Variants in GRID2 observed in about 807,000 individuals in gnomAD.
GRID2 encodes the protein glutamate ionotropic receptor delta type subunit 2.
GRID2 carries 33 observed loss-of-function variants against 114.8 expected under a neutral mutation model. The ratio of observed to expected loss-of-function variants is 0.29; its 90% CI spans 0.22 to 0.38. The LOEUF (loss-of-function observed/expected upper bound fraction) is 0.38, where lower values mean the gene tolerates loss of function less well. Among genes scored for constraint, GRID2 ranks in the 10% least tolerant of loss-of-function variants. The pLI, the probability that GRID2 is intolerant of heterozygous loss-of-function variation, is 1.00. For missense variants in GRID2, 1,184 were observed against 1,257.7 expected (o/e 0.94, Z 0.89); for synonymous variants, 505 against 449.9 (o/e 1.12, Z -1.55).
chr4:93,119,615 T>C (rs1178485388), intron 4 of GRID2, among the ~76,000 whole-genome samples: 1 of 152,192 alleles, frequency 6.6e-6, no homozygotes, highest in Admixed American at 6.5e-5. Flanking sequence ...GAAAAGGTTA[T>C]TATTATCTTG....
intron 9 of GRID2, among the ~76,000 whole-genome samples, chr4:93,399,235 T>C (rs1236235102): frequency 3.3e-5 from 5 of 152,094 alleles, no homozygotes; most frequent in African/African-American, 9.7e-5. Flanking sequence ...CTATTGAAAC[T>C]GAAATCTAGT....
chr4:93,011,640 A>G (rs923220147), intron 2 of GRID2, among the ~76,000 whole-genome samples: 1 of 152,144 alleles, frequency 6.6e-6, no homozygotes, highest in South Asian at 2.1e-4. Context: ...ATTTCTTACC[A>G]TGTCACATTG....
At chr4:93,639,868 G>T (rs1721705637) in intron 14 of GRID2, among the ~76,000 whole-genome samples, 1 of 6,400 alleles carries the variant, frequency 1.6e-4, no homozygotes, top group Non-Finnish European at 2.3e-4. Flanking sequence ...TAGCTTGATG[G>T]GGATGGCATT....
At chr4:93,390,167 G>A (rs1001899964) in intron 8 of GRID2, among the ~76,000 whole-genome samples, 2 of 152,208 alleles carry the variant, frequency 1.3e-5, no homozygotes, top group African/African-American at 2.4e-5. Flanking sequence ...AACTACTGAT[G>A]CCTTGGTTAT....
At chr4:93,104,041 C>A (rs540523691) in intron 3 of GRID2, among the ~76,000 whole-genome samples, 9 of 151,936 alleles carry the variant, frequency 5.9e-5, no homozygotes, top group Middle Eastern at 6.8e-3. Context: ...CCCCAACTTT[C>A]TCTCCCCGGC....
At chr4:92,602,902 C>G (rs181809913) in intron 2 of GRID2, among the ~76,000 whole-genome samples, 3 of 152,086 alleles carry the variant, frequency 2.0e-5, no homozygotes, top group Non-Finnish European at 4.4e-5. Context: ...CATTTCTATA[C>G]ACAAACAACA....
In GRID2 at chr4:92,973,278, A is replaced by G. The variant is rs533807755; in HGVS notation, c.245-111717A>G. 6.0e-4 allele frequency among the ~76,000 whole-genome samples: 91 copies of G among 152,260 alleles called. 1 individual carries two copies. Among genetic ancestry groups the G allele is most frequent in the African/African-American group, 2.0e-3 (82 of 41,564 alleles). On this transcript the variant is annotated intron_variant, in intron 2 of 15. Coordinates refer to ENST00000282020, the MANE Select transcript of GRID2 (RefSeq NM_001510.4). Reference sequence around the variant, plus strand: ...GGGAGACACTCTGCTCTTCCCATCTATATTTTCCCACCTTGATGTTTAAAT... The same window carrying G: ...GGGAGACACTCTGCTCTTCCCATCTGTATTTTCCCACCTTGATGTTTAAAT...
intron 2 of GRID2, among the ~76,000 whole-genome samples, chr4:92,768,190 T>C (rs1250120404): frequency 6.6e-6 from 1 of 152,228 alleles, no homozygotes; most frequent in Non-Finnish European, 1.5e-5. Context: ...TTTTTGACTT[T>C]GATATTGATG....
chr4:93,375,643 T>C (rs1763308041), intron 8 of GRID2, among the ~76,000 whole-genome samples: 4 of 152,192 alleles, frequency 2.6e-5, no homozygotes, highest in Admixed American at 1.3e-4. Context: ...GAAGTGTGAG[T>C]TACCATGCAA....
chr4:93,343,987 T>C (rs34927766), intron 8 of GRID2, among the ~76,000 whole-genome samples: 67 of 152,250 alleles, frequency 4.4e-4, no homozygotes, highest in Admixed American at 9.8e-4. Flanking sequence ...CTTTTTGAAA[T>C]GTTTAGACCA....
At chr4:92,498,451 C>T (rs112753027) in intron 1 of GRID2, among the ~76,000 whole-genome samples, 1 of 151,836 alleles carries the variant, frequency 6.6e-6, no homozygotes, top group African/African-American at 2.4e-5. Flanking sequence ...ATTTAAATAA[C>T]AAAGCTAAAA....
At chr4:93,194,717 C>T (rs1741310559) in intron 4 of GRID2, among the ~76,000 whole-genome samples, 2 of 152,156 alleles carry the variant, frequency 1.3e-5, no homozygotes, top group Non-Finnish European at 2.9e-5. Flanking sequence ...GACTCAAATC[C>T]ATTCAGTCCC....
At chr4:92,983,017 A>G (rs1377188346) in intron 2 of GRID2, among the ~76,000 whole-genome samples, 1 of 152,104 alleles carries the variant, frequency 6.6e-6, no homozygotes, top group Non-Finnish European at 1.5e-5. Flanking sequence ...CTCTGATTAT[A>G]GGAAGCCAAG....
At chr4:93,088,803 G>A (rs1034836553) in intron 3 of GRID2, among the ~76,000 whole-genome samples, 37 of 152,022 alleles carry the variant, frequency 2.4e-4, no homozygotes, top group African/African-American at 8.9e-4. Flanking sequence ...AGGGAGACAG[G>A]AACAAGTGAT....
At chr4:92,835,300 A>G (rs1742379539) in intron 2 of GRID2, among the ~76,000 whole-genome samples, 1 of 152,164 alleles carries the variant, frequency 6.6e-6, no homozygotes, top group Non-Finnish European at 1.5e-5. Flanking sequence ...TTCTATGCAT[A>G]CATTAATTAT....
At chr4:92,719,728 G>C (rs569651166) in intron 2 of GRID2, among the ~76,000 whole-genome samples, 2 of 152,076 alleles carry the variant, frequency 1.3e-5, no homozygotes, top group South Asian at 4.1e-4. Context: ...AGAACTACAG[G>C]GGGGAGAATA....
At chr4:93,385,209 C>T (rs1764205396) in intron 8 of GRID2, among the ~76,000 whole-genome samples, 1 of 152,190 alleles carries the variant, frequency 6.6e-6, no homozygotes, top group Non-Finnish European at 1.5e-5. Context: ...AGACAAGTGT[C>T]ATGTCGGTCT....
chr4:93,404,287 G>A (rs553731008), intron 9 of GRID2, among the ~76,000 whole-genome samples: 125 of 152,172 alleles, frequency 8.2e-4, no homozygotes, highest in Middle Eastern at 3.4e-3. Flanking sequence ...GGGGGAGCTG[G>A]TAATAAAGTT....
intron 1 of GRID2, among the ~76,000 whole-genome samples, chr4:92,490,273 A>T (rs1436682909): frequency 6.6e-6 from 1 of 152,194 alleles, no homozygotes; most frequent in Non-Finnish European, 1.5e-5. Flanking sequence ...ATGCATTTGG[A>T]TGGTGTAGGT....
Sources: allele counts gnomAD v4.1 joint callset (sites outside exome capture counted in the v4.1 genomes callset), GRCh38; gene constraint gnomAD v4.1.1; transcripts MANE v1.5; gene names NCBI Gene and HGNC (gene_info 2026-07-23, HGNC 2026-07-21).